Variants in ARHGAP10 observed in about 807,000 individuals in gnomAD.
ARHGAP10 encodes Rho GTPase activating protein 10.
In ARHGAP10, 87 loss-of-function variants were observed where a neutral mutation model predicts 108.6. The observed-to-expected ratio is 0.80, with a 90% CI of 0.67 to 0.96. The LOEUF is 0.96. ARHGAP10 is among the 40% of genes least tolerant of loss of function. The pLI is 0.00. For missense variants in ARHGAP10, 939 were observed against 954.5 expected, an observed-to-expected ratio of 0.98 and a Z score of 0.21; for synonymous variants, 347 against 341.1, an observed-to-expected ratio of 1.02 and a Z score of -0.19.
chr4:147,868,578 C>T (rs897658853), intron 7 of ARHGAP10, among the ~76,000 whole-genome samples: 3 of 152,104 alleles, frequency 2.0e-5, no homozygotes, highest in Admixed American at 1.3e-4. Context: ...CAGCAGAAAA[C>T]AGTTATGTAA....
At chr4:147,791,540 G>A (rs1163801746) in intron 1 of ARHGAP10, among the ~76,000 whole-genome samples, 1 of 151,942 alleles carries the variant, frequency 6.6e-6, no homozygotes, top group Admixed American at 6.6e-5. Flanking sequence ...GTGTGCGCGC[G>A]CGTGCGTGCG....
chr4:148,038,698 T>C (rs1395688344), intron 19 of ARHGAP10, among the ~76,000 whole-genome samples: 1 of 152,136 alleles, frequency 6.6e-6, no homozygotes, highest in Non-Finnish European at 1.5e-5. Context: ...ATTTAAAAGA[T>C]AGAAAATGCA....
At chr4:147,983,257 C>T (rs1243633193) in intron 18 of ARHGAP10, among the ~76,000 whole-genome samples, 12 of 149,596 alleles carry the variant, frequency 8.0e-5, no homozygotes, top group African/African-American at 2.5e-4. Flanking sequence ...ACGATCTCGG[C>T]TCACTGCAAC....
chr4:147,873,639 C>A (rs987837639), intron 7 of ARHGAP10, among the ~76,000 whole-genome samples: 1 of 147,636 alleles, frequency 6.8e-6, no homozygotes, highest in African/African-American at 2.5e-5. Flanking sequence ...CAGCCTGGGC[C>A]CCATAATGAG....
rs765671085 is a variant in ARHGAP10, at chr4:147,866,749, A to T, written c.635A>T (p.His212Leu). Residue 212 changes from histidine to leucine, a missense_variant, in exon 7 of 23, where the codon CAT becomes CTT. Physicochemically the swap from His to Leu is moderately conservative, Grantham distance 99. Coordinates refer to ENST00000336498, the MANE Select transcript of ARHGAP10 (RefSeq NM_024605.4). ...SFFQGMFTFY[H>L]QGHELAKDFN... is the part of the protein sequence containing the mutation. ...TTTCAGGGGATGTTTACCTTCTATC[A>T]TCAGGGCCATGAACTTGCCAAAGAC... The T allele has an allele frequency of 1.9e-6, 3 of 1,613,884 alleles. No homozygotes were observed. The highest frequency in any genetic ancestry group is 2.5e-6 in the Non-Finnish European group (3 of 1,179,894).
chr4:148,041,332 A>G (rs1728624249), intron 19 of ARHGAP10, among the ~76,000 whole-genome samples: 1 of 152,224 alleles, frequency 6.6e-6, no homozygotes, highest in Non-Finnish European at 1.5e-5. Flanking sequence ...CAGGGAAGGG[A>G]TTTCAGGGGG....
At chr4:148,023,447 A>T in intron 19 of ARHGAP10, 34 bp downstream of exon 19, 1 of 1,602,428 alleles carries the variant, frequency 6.2e-7, no homozygotes, top group South Asian at 1.1e-5. Flanking sequence ...GCTTGATAGC[A>T]TGTTGAGAGT....
rs1237866970 is a variant in ARHGAP10 at position 147,879,277 on chromosome 4, A to G, written c.878A>G (p.Tyr293Cys). Residue 293 changes from tyrosine to cysteine, a missense_variant, in exon 9 of 23, where the codon TAT becomes TGT. Transcript: ENST00000336498. ...AGTTGGGTCAAACACTATTGCATGTATCGAAAAGCAGCAAAGAAGTTCAAC... is the reference window on the plus strand; with the variant it reads ...AGTTGGGTCAAACACTATTGCATGTGTCGAAAAGCAGCAAAGAAGTTCAAC... ...GSSWVKHYCM[Y>C]RKAAKKFNMI... 1.5e-5 allele frequency: 25 copies of G among 1,614,010 alleles called. No homozygotes were observed. Among genetic ancestry groups the G allele is most frequent in the Non-Finnish European group, 2.0e-5 (24 of 1,179,988 alleles).
chr4:147,758,091 C>T (rs1464196678), intron 1 of ARHGAP10, among the ~76,000 whole-genome samples: 2 of 152,040 alleles, frequency 1.3e-5, no homozygotes, highest in African/African-American at 4.8e-5. Context: ...GGAGAAACCC[C>T]GTCCATACTG....
chr4:148,070,100 T>G (rs555158177), intron 22 of ARHGAP10, among the ~76,000 whole-genome samples: 1 of 152,206 alleles, frequency 6.6e-6, no homozygotes, highest in African/African-American at 2.4e-5. Context: ...CTGGGTCTCA[T>G]GTTATATGTG....
chr4:147,912,539 A>G (rs956592917), intron 12 of ARHGAP10, among the ~76,000 whole-genome samples: 7 of 130,752 alleles, frequency 5.4e-5, no homozygotes, highest in African/African-American at 1.9e-4. Context: ...AAAAACAAAC[A>G]AACAAACAAA....
intron 8 of ARHGAP10, among the ~76,000 whole-genome samples, chr4:147,878,750 G>GTATCTCT (rs1735193094): frequency 6.8e-6 from 1 of 148,076 alleles, no homozygotes; most frequent in Non-Finnish European, 1.5e-5. Flanking sequence ...TTGTTTCAAA[G>GTATCTCT]TATCTCTTAT....
intron 1 of ARHGAP10, among the ~76,000 whole-genome samples, chr4:147,765,338 G>GT (rs1553947366): frequency 0.11 from 8,784 of 80,630 alleles, 751 homozygotes; most frequent in African/African-American, 0.28. Context: ...GTGTGTGTGT[G>GT]GGGGGGGGGG....
chr4:147,804,914 CTG>C (rs1731721551), intron 1 of ARHGAP10, among the ~76,000 whole-genome samples: 1 of 152,138 alleles, frequency 6.6e-6, no homozygotes, highest in Non-Finnish European at 1.5e-5. Context: ...TTCTCCTATT[CTG>C]TGGGTTGTCT....
At chr4:147,999,980 G>T (rs1740636204) in intron 18 of ARHGAP10, among the ~76,000 whole-genome samples, 1 of 151,860 alleles carries the variant, frequency 6.6e-6, no homozygotes, top group Admixed American at 6.6e-5. Context: ...ACAACGTGCG[G>T]GTTTGTTACA....
intron 1 of ARHGAP10, among the ~76,000 whole-genome samples, chr4:147,766,057 G>C (rs1433732019): frequency 6.6e-6 from 1 of 152,148 alleles, no homozygotes; most frequent in Non-Finnish European, 1.5e-5. Flanking sequence ...GAGGCCGGTG[G>C]ATCACTTGAG....
chr4:147,843,638 T>G lies in ARHGAP10; in HGVS notation c.313-3513T>G, dbSNP rs569841114. 5.3e-5 allele frequency among the ~76,000 whole-genome samples: 8 copies of G among 152,328 alleles called. No individual in the cohort carries two copies. The East Asian group carries it at 1.2e-3, about 22-fold the overall frequency. On this transcript the variant is annotated intron_variant, in intron 3 of 22. Coordinates refer to ENST00000336498, the MANE Select transcript of ARHGAP10 (RefSeq NM_024605.4). ...GCCTCCTGGGTTCAAGCGATTCTCC[T>G]ACCTCAGCCTCCCGAGTAGCTGGGA...
At chr4:147,795,602 T>TGGTACGTAGTAGGTGCTC (rs1361366382) in intron 1 of ARHGAP10, among the ~76,000 whole-genome samples, 2 of 152,066 alleles carry the variant, frequency 1.3e-5, no homozygotes, top group African/African-American at 4.8e-5. Context: ...ACGTGGTGCT[T>TGGTACGTAGTAGGTGCTC]GGTACGTAGT....
intron 6 of ARHGAP10, chr4:147,866,480 A>G (rs545023698): frequency 3.8e-4 from 163 of 433,776 alleles, no homozygotes; most frequent in Non-Finnish European, 5.8e-4. Context: ...AACATGCCAT[A>G]TAAGCTGTCT....
Sources: allele counts gnomAD v4.1 joint callset (sites outside exome capture counted in the v4.1 genomes callset), GRCh38; gene constraint gnomAD v4.1.1; transcripts MANE v1.5; gene names NCBI Gene and HGNC (gene_info 2026-07-23, HGNC 2026-07-21).